Variants in DPH6 observed in about 807,000 individuals in gnomAD.
DPH6 encodes diphthamine biosynthesis 6.
In DPH6, 33 loss-of-function variants were observed where a neutral mutation model predicts 38.2. The ratio of observed to expected loss-of-function variants is 0.86; its 90% CI spans 0.65 to 1.15. The LOEUF (loss-of-function observed/expected upper bound fraction) is 1.15, where lower values mean the gene tolerates loss of function less well. DPH6 is among the 50% of genes most tolerant of loss of function. DPH6 has a pLI of 0.00. For missense variants in DPH6, 325 were observed against 320.0 expected (o/e 1.02, Z -0.12); for synonymous variants, 108 against 103.0 (o/e 1.05, Z -0.30).
the DPH6 span, among the ~76,000 whole-genome samples, chr15:35,179,421 A>T: frequency 6.6e-6 from 1 of 152,088 alleles, no homozygotes; most frequent in African/African-American, 2.4e-5. Flanking sequence ...AATAATGAAA[A>T]TATCCAAAAA....
chr15:35,495,911 A>G (rs1487488651), intron 3 of DPH6, among the ~76,000 whole-genome samples: 1 of 152,354 alleles, frequency 6.6e-6, no homozygotes, highest in East Asian at 1.9e-4. Flanking sequence ...ACACATATAT[A>G]GTAACTTGAT....
chr15:35,200,935 A>G, the DPH6 span, among the ~76,000 whole-genome samples: 1 of 150,302 alleles, frequency 6.7e-6, no homozygotes, highest in Non-Finnish European at 1.5e-5. Flanking sequence ...TTATAAAAAT[A>G]TATAAAAAAG....
At chr15:35,289,510 G>C (rs1011903156) in intron 3 of DPH6, among the ~76,000 whole-genome samples, 3 of 152,064 alleles carry the variant, frequency 2.0e-5, no homozygotes, top group Non-Finnish European at 2.9e-5. Flanking sequence ...AGGCTCACCA[G>C]AAAACTGCCT....
chr15:35,369,306 T>C (rs530194694), downstream of DPH6, among the ~76,000 whole-genome samples: 22 of 151,936 alleles, frequency 1.4e-4, no homozygotes, highest in Non-Finnish European at 2.4e-4. Flanking sequence ...AAGAGTGGTA[T>C]TCAGGGTACT....
At chr15:35,211,242 C>T in the DPH6 span, among the ~76,000 whole-genome samples, 5 of 152,044 alleles carry the variant, frequency 3.3e-5, no homozygotes, top group African/African-American at 1.2e-4. Flanking sequence ...TTTCCCTATT[C>T]CCAGAATGTG....
chr15:35,232,566 G>A (rs886821936), intron 3 of DPH6, among the ~76,000 whole-genome samples: 1 of 152,056 alleles, frequency 6.6e-6, no homozygotes. Context: ...AGGTGACAGA[G>A]CAATACTCCG....
chr15:35,237,548 A>T, intron 3 of DPH6: 1 of 1,551,790 alleles, frequency 6.4e-7, no homozygotes, highest in Non-Finnish European at 8.9e-7. Flanking sequence ...AAGCGATAAC[A>T]GAGTCTCGGG....
downstream of DPH6, among the ~76,000 whole-genome samples, chr15:35,367,701 A>C (rs1413381381): frequency 6.6e-6 from 1 of 151,850 alleles, no homozygotes; most frequent in East Asian, 1.9e-4. Context: ...TTTAACTTAA[A>C]GGTAAAATTT....
chr15:35,502,294 A>G lies in DPH6; in HGVS notation c.312+35980T>C, dbSNP rs541725494. Among the ~76,000 whole-genome samples, 59 of 152,150 alleles carry G rather than the reference A, an allele frequency of 3.9e-4. 1 individual carries two copies. Among genetic ancestry groups the G allele is most frequent in the Middle Eastern group, 6.8e-3 (2 of 294 alleles). On this transcript the variant is annotated intron_variant, in intron 3 of 8. Transcript: ENST00000256538. ...CATAATGCTATTCTATTCTCCTTTT[A>G]TAAGTGTTAAAATTTTCTCAAAGGC...
intron 5 of DPH6, among the ~76,000 whole-genome samples, chr15:35,422,053 T>C (rs2141014905): frequency 6.6e-6 from 1 of 152,040 alleles, no homozygotes; most frequent in African/African-American, 2.4e-5. Flanking sequence ...AAGGGAATAA[T>C]GAGTCTCAGG....
intron 6 of DPH6, among the ~76,000 whole-genome samples, chr15:35,406,062 A>G (rs745501046): frequency 9.9e-5 from 15 of 152,104 alleles, no homozygotes; most frequent in Admixed American, 5.2e-4. Flanking sequence ...TATTTAAAAG[A>G]AAAAATAGTA....
At chr15:35,166,405 G>C in the DPH6 span, among the ~76,000 whole-genome samples, 1 of 151,864 alleles carries the variant, frequency 6.6e-6, no homozygotes, top group Admixed American at 6.6e-5. Flanking sequence ...TCCTTATGAA[G>C]GCTCCTGTGT....
intron 3 of DPH6, among the ~76,000 whole-genome samples, chr15:35,466,506 T>A (rs1304112722): frequency 4.6e-5 from 7 of 152,136 alleles, no homozygotes; most frequent in African/African-American, 1.7e-4. Context: ...AACAGGAGTA[T>A]AACATTCTAA....
intron 3 of DPH6, among the ~76,000 whole-genome samples, chr15:35,232,641 G>T (rs996742125): frequency 6.6e-6 from 1 of 151,960 alleles, no homozygotes; most frequent in Non-Finnish European, 1.5e-5. Context: ...TATATCCAAG[G>T]CATGAAGGGA....
chr15:35,424,153 A>G (rs980134320), intron 5 of DPH6, among the ~76,000 whole-genome samples: 4 of 151,638 alleles, frequency 2.6e-5, no homozygotes, highest in Non-Finnish European at 5.9e-5. Flanking sequence ...ACTTGGGGTA[A>G]TATGAACATT....
At chr15:35,373,647 A>G (rs768444524) in intron 7 of DPH6, 39 bp from the exon 8 acceptor site, 1 of 1,544,196 alleles carries the variant, frequency 6.5e-7, no homozygotes, top group Non-Finnish European at 8.8e-7. Context: ...TATATGCTAC[A>G]AAAATTGTGA....
At chr15:35,200,483 T>C in the DPH6 span, among the ~76,000 whole-genome samples, 1 of 152,170 alleles carries the variant, frequency 6.6e-6, no homozygotes, top group Non-Finnish European at 1.5e-5. Flanking sequence ...AATAATTTCA[T>C]CAATATTCTT....
chr15:35,249,617 A>G (rs896970069), intron 3 of DPH6, among the ~76,000 whole-genome samples: 1 of 152,108 alleles, frequency 6.6e-6, no homozygotes, highest in Non-Finnish European at 1.5e-5. Flanking sequence ...TGCAGGTGAG[A>G]TTTATAATCT....
At chr15:35,263,711 T>A (rs2051764058) in intron 3 of DPH6, among the ~76,000 whole-genome samples, 1 of 151,948 alleles carries the variant, frequency 6.6e-6, no homozygotes, top group African/African-American at 2.4e-5. Flanking sequence ...CCTCACAGTT[T>A]ATAATTTCTT....
Sources: allele counts gnomAD v4.1 joint callset (sites outside exome capture counted in the v4.1 genomes callset), GRCh38; gene constraint gnomAD v4.1.1; transcripts MANE v1.5; gene names NCBI Gene and HGNC (gene_info 2026-07-23, HGNC 2026-07-21).